Variants in RFX7 observed in about 807,000 individuals in gnomAD.
RFX7 encodes the protein DNA-binding protein RFX7.
A neutral mutation model predicts 111.8 loss-of-function variants in RFX7; 26 were observed. The observed-to-expected ratio is 0.23, with a 90% CI of 0.17 to 0.32. RFX7 has a LOEUF of 0.32. Among genes scored for constraint, RFX7 ranks in the 10% least tolerant of loss-of-function variants. The pLI is 1.00. For missense variants in RFX7, 1,573 were observed against 1,772.9 expected, an observed-to-expected ratio of 0.89 and a Z score of 2.02; for synonymous variants, 624 against 624.4, an observed-to-expected ratio of 1.00 and a Z score of 0.01.
At chr15:56,153,561 T>C (rs1163525028) in intron 3 of RFX7, among the ~76,000 whole-genome samples, 1 of 152,164 alleles carries the variant, frequency 6.6e-6, no homozygotes, top group Non-Finnish European at 1.5e-5. Flanking sequence ...ATTATCTCAA[T>C]AGATGCAGAA....
chr15:56,115,896 C>T lies in RFX7; in HGVS notation c.402-12226G>A, dbSNP rs796935747. Among the ~76,000 whole-genome samples the T allele has an allele frequency of 2.7e-5, 4 of 150,648 alleles. No individual in the cohort carries two copies. The South Asian group carries it at 8.4e-4, about 32-fold the overall frequency. ...GGCAGAGCTTGCAGTGAGCCGAGATCGTGCCACTGCACTCCAGCCTGGGCC... is the reference window on the plus strand; with the variant it reads ...GGCAGAGCTTGCAGTGAGCCGAGATTGTGCCACTGCACTCCAGCCTGGGCC... On this transcript the variant is annotated intron_variant, in intron 5 of 9. Coordinates refer to ENST00000559447, the MANE Select transcript of RFX7 (RefSeq NM_022841.7).
At chr15:56,119,793 AAG>A (rs2042052917) in intron 5 of RFX7, among the ~76,000 whole-genome samples, 1 of 151,290 alleles carries the variant, frequency 6.6e-6, no homozygotes, top group Non-Finnish European at 1.5e-5. Context: ...AAAAAAAAAA[AAG>A]AAAGAAAGAA....
rs192818084 is a variant in RFX7 at position 56,088,883 on chromosome 15, A to G, written c.*4462T>C. The G allele has an allele frequency of 6.6e-6, 1 of 152,310 alleles. No homozygotes were observed. Among genetic ancestry groups the G allele is most frequent in the Admixed American group, 6.5e-5 (1 of 15,292 alleles). The allele number at this position is 152,310 out of a possible 1,614,324, so 9.4% of individuals were successfully genotyped here. A position where few individuals can be genotyped will look rare whatever the true frequency, so the allele number is the denominator to read the frequency against. On this transcript the variant is annotated 3_prime_UTR_variant, in exon 10 of 10. Coordinates refer to ENST00000559447, the MANE Select transcript of RFX7 (RefSeq NM_022841.7). ...TCTTATTTTTTCTTCTACATAGTGTAGTATACATACTGTTGGCACTTAACA... is the reference window on the plus strand; with the variant it reads ...TCTTATTTTTTCTTCTACATAGTGTGGTATACATACTGTTGGCACTTAACA...
In RFX7 at chr15:56,095,245, T is replaced by C; in HGVS notation, c.2483A>G (p.Gln828Arg). The C allele has an allele frequency of 1.2e-6, 2 of 1,613,914 alleles. No individual in the cohort carries two copies. Among genetic ancestry groups the C allele is most frequent in the Non-Finnish European group, 1.7e-6 (2 of 1,179,774 alleles). ...ATGTAGCTGCTGGCTATATGTGTCC[T>C]GTGGCATTCCTTCTAATTCCCAAAC... The part of the protein sequence containing the change: ...KSVWELEGMP[Q>R]DTYSQQLHSQ... The change falls in exon 10 of 10, where the codon CAG becomes CGG. Residue 828 changes from glutamine to arginine, a missense_variant. Around this residue, in one of 7 missense-constraint regions of RFX7, gnomAD observed 625 missense variants for 632.2 expected, o/e 0.99. Transcript: ENST00000559447.
At chr15:56,141,938 T>G (rs1412727119) in intron 5 of RFX7, among the ~76,000 whole-genome samples, 2 of 152,008 alleles carry the variant, frequency 1.3e-5, no homozygotes, top group Non-Finnish European at 2.9e-5. Context: ...TTTGGTGAGG[T>G]AGTAAGAACT....
intron 2 of RFX7, among the ~76,000 whole-genome samples, chr15:56,238,532 G>A (rs1033508072): frequency 7.9e-5 from 12 of 152,090 alleles, no homozygotes; most frequent in Admixed American, 6.5e-4. Flanking sequence ...AATCTTATAG[G>A]TCTTCTGTCA....
intron 3 of RFX7, among the ~76,000 whole-genome samples, chr15:56,169,512 A>G (rs1240335535): frequency 6.6e-6 from 1 of 152,160 alleles, no homozygotes; most frequent in African/African-American, 2.4e-5. Context: ...CTTTATTTAC[A>G]CTAATTATCT....
chr15:56,112,463 T>G (rs2041953175), intron 5 of RFX7, among the ~76,000 whole-genome samples: 1 of 148,598 alleles, frequency 6.7e-6, no homozygotes, highest in South Asian at 2.1e-4. Flanking sequence ...TGCAGAAAAC[T>G]GAAACTGGAC....
chr15:56,147,774 C>T (rs1375230266), intron 3 of RFX7, among the ~76,000 whole-genome samples: 6 of 152,102 alleles, frequency 3.9e-5, no homozygotes, highest in Non-Finnish European at 7.4e-5. Context: ...AGGGTTTCAC[C>T]GTGTTAGCGA....
intron 2 of RFX7, among the ~76,000 whole-genome samples, chr15:56,233,641 G>A (rs1308882761): frequency 6.6e-6 from 1 of 152,162 alleles, no homozygotes; most frequent in Non-Finnish European, 1.5e-5. Flanking sequence ...AAGAATTAGA[G>A]TAACTGAAAT....
chr15:56,144,153 A>G (rs1201128921), intron 4 of RFX7, among the ~76,000 whole-genome samples: 2 of 152,186 alleles, frequency 1.3e-5, no homozygotes, highest in African/African-American at 4.8e-5. Flanking sequence ...TCATCTGTCT[A>G]TGAAACAAAA....
chr15:56,124,866 T>A (rs1446163551), intron 5 of RFX7, among the ~76,000 whole-genome samples: 1 of 152,224 alleles, frequency 6.6e-6, no homozygotes, highest in Non-Finnish European at 1.5e-5. Context: ...TGATCTGATA[T>A]AATGCCATTG....
upstream of RFX7, chr15:56,244,005 AGC>A (rs373792884): frequency 7.7e-3 from 1,154 of 150,690 alleles, 24 homozygotes; most frequent in East Asian, 0.043. Flanking sequence ...GGCGCGGGCC[AGC>A]GGGCCAGGGA....
intron 2 of RFX7, among the ~76,000 whole-genome samples, chr15:56,226,475 C>T (rs755615337): frequency 4.9e-4 from 75 of 152,134 alleles, no homozygotes; most frequent in Non-Finnish European, 8.4e-4. Flanking sequence ...AGATACAGTA[C>T]ACCCTAGGGG....
chr15:56,203,783 G>A (rs750991989), intron 2 of RFX7, among the ~76,000 whole-genome samples: 16 of 152,082 alleles, frequency 1.1e-4, no homozygotes, highest in Non-Finnish European at 5.9e-5. Flanking sequence ...GTCTAAAAAG[G>A]GAAGCATGAA....
intron 2 of RFX7, among the ~76,000 whole-genome samples, chr15:56,227,062 A>T (rs1395847737): frequency 6.6e-6 from 1 of 152,368 alleles, no homozygotes; most frequent in Non-Finnish European, 1.5e-5. Context: ...TGTAAAATTA[A>T]TTCTAAGTAG....
At chr15:56,188,008 G>A (rs937751914) in intron 2 of RFX7, among the ~76,000 whole-genome samples, 10 of 152,264 alleles carry the variant, frequency 6.6e-5, no homozygotes, top group Admixed American at 2.0e-4. Context: ...CAAAGTGTCA[G>A]AATTAGCAGA....
chr15:56,238,556 T>C (rs2043649924), intron 2 of RFX7, among the ~76,000 whole-genome samples: 1 of 152,170 alleles, frequency 6.6e-6, no homozygotes. Context: ...TTTATCTCTT[T>C]CCATAAAGTG....
chr15:56,098,118 A>G lies in RFX7; in HGVS notation c.1070T>C (p.Ile357Thr). ...GNPSILSPQP[I>T]GIVVAAVPSP... Reference sequence around the variant, plus strand: ...AGGGACAGCTGCCACAACGATACCAATAGGTTGAGGAGAAAGGATTGAAGG... The same window carrying G: ...AGGGACAGCTGCCACAACGATACCAGTAGGTTGAGGAGAAAGGATTGAAGG... Residue 357 changes from isoleucine to threonine, a missense_variant, in exon 9 of 10, where the codon ATT becomes ACT. This residue lies in a region of RFX7 where 288 missense variants were observed against 337.9 expected (regional missense o/e 0.85). Coordinates refer to ENST00000559447, the MANE Select transcript of RFX7 (RefSeq NM_022841.7). 1 of 1,613,928 alleles carries G rather than the reference A, an allele frequency of 6.2e-7. No individual in the cohort carries two copies. The highest frequency in any genetic ancestry group is 1.1e-5 in the South Asian group (1 of 91,086).
Sources: allele counts gnomAD v4.1 joint callset (sites outside exome capture counted in the v4.1 genomes callset), GRCh38; gene constraint gnomAD v4.1.1; regional missense constraint gnomAD v4.1.1; transcripts MANE v1.5; gene names NCBI Gene and HGNC (gene_info 2026-07-23, HGNC 2026-07-21).